The following RIMS2 variants were observed in gnomAD, a reference collection of about 807,000 sequenced individuals.
RIMS2 encodes regulating synaptic membrane exocytosis 2, also known as regulating synaptic membrane exocytosis protein 2.
In RIMS2, 59 loss-of-function variants were observed where a neutral mutation model predicts 174.4. The ratio of observed to expected loss-of-function variants is 0.34; its 90% CI spans 0.27 to 0.42. RIMS2 has a LOEUF of 0.42. RIMS2 is among the 10% of genes least tolerant of loss of function. The pLI, the probability that RIMS2 is intolerant of heterozygous loss-of-function variation, is 1.00. For missense variants in RIMS2, 1,620 were observed against 1,666.3 expected, an observed-to-expected ratio of 0.97 and a Z score of 0.48; for synonymous variants, 606 against 572.5, an observed-to-expected ratio of 1.06 and a Z score of -0.84.
intron 1 of RIMS2, among the ~76,000 whole-genome samples, chr8:103,559,887 C>G: frequency 6.6e-6 from 1 of 152,164 alleles, no homozygotes; most frequent in East Asian, 1.9e-4. Context: ...ATTCTGTAAG[C>G]TCCTATTCCC....
At chr8:103,922,202 G>C (rs1474038306) in intron 10 of RIMS2, among the ~76,000 whole-genome samples, 2 of 151,804 alleles carry the variant, frequency 1.3e-5, no homozygotes, top group Non-Finnish European at 2.9e-5. Flanking sequence ...AGGATATTTG[G>C]TGTCAGCTCA....
At chr8:103,846,643 C>T (rs955232521) in intron 3 of RIMS2, among the ~76,000 whole-genome samples, 1 of 152,112 alleles carries the variant, frequency 6.6e-6, no homozygotes, top group Non-Finnish European at 1.5e-5. Flanking sequence ...GGATAAGCCA[C>T]CAACAATGTG....
intron 3 of RIMS2, chr8:103,768,241 T>C: frequency 2.1e-6 from 1 of 477,832 alleles, no homozygotes; most frequent in Non-Finnish European, 3.8e-6. Flanking sequence ...AATAATGGGC[T>C]CTTTTTCGTG....
intron 17 of RIMS2, among the ~76,000 whole-genome samples, chr8:103,999,427 T>C (rs1487667462): frequency 6.6e-6 from 1 of 151,700 alleles, no homozygotes; most frequent in Non-Finnish European, 1.5e-5. Context: ...TTTTCACTCT[T>C]TTTTGTTATT....
At chr8:103,575,773 T>C (rs2093184318) in intron 1 of RIMS2, among the ~76,000 whole-genome samples, 1 of 151,528 alleles carries the variant, frequency 6.6e-6, no homozygotes, top group Non-Finnish European at 1.5e-5. Context: ...TTCCTGAGAC[T>C]ACAGAGAATT....
chr8:103,501,951 A>C (rs1563547924), intron 1 of RIMS2, among the ~76,000 whole-genome samples: 1 of 152,142 alleles, frequency 6.6e-6, no homozygotes, highest in East Asian at 1.9e-4. Flanking sequence ...CTCTGAGACT[A>C]CTTTTCTGGT....
At chr8:103,603,200 A>T (rs1488021053) in intron 1 of RIMS2, among the ~76,000 whole-genome samples, 1 of 134,226 alleles carries the variant, frequency 7.5e-6, no homozygotes. Flanking sequence ...TCCTGTGTCC[A>T]TGTGATCTCA....
At chr8:103,561,706 A>T (rs2091620803) in intron 1 of RIMS2, among the ~76,000 whole-genome samples, 1 of 152,170 alleles carries the variant, frequency 6.6e-6, no homozygotes, top group Admixed American at 6.5e-5. Flanking sequence ...GCCTACCTGA[A>T]TGGGTTACTC....
At chr8:103,588,707 T>A (rs1238043650) in intron 1 of RIMS2, among the ~76,000 whole-genome samples, 1 of 151,962 alleles carries the variant, frequency 6.6e-6, no homozygotes, top group South Asian at 2.1e-4. Flanking sequence ...GATATCCATA[T>A]GCAGAAGAAT....
intron 19 of RIMS2, among the ~76,000 whole-genome samples, chr8:104,134,049 T>G (rs10092959): frequency 2.0e-5 from 3 of 151,908 alleles, no homozygotes; most frequent in Admixed American, 6.6e-5. Context: ...ACAAATAATC[T>G]TTAATATATG....
chr8:104,169,330 AT>A (rs1286424929), intron 19 of RIMS2, among the ~76,000 whole-genome samples: 20 of 39,620 alleles, frequency 5.0e-4, no homozygotes, highest in African/African-American at 2.5e-3. Flanking sequence ...ATATATATAT[AT>A]ATATATATAA....
intron 16 of RIMS2, among the ~76,000 whole-genome samples, chr8:103,986,153 T>C (rs761584063): frequency 9.9e-5 from 15 of 152,200 alleles, no homozygotes; most frequent in Non-Finnish European, 1.9e-4. Flanking sequence ...GATTTAGCCA[T>C]GCTGCAATGT....
At chr8:103,586,052 T>C (rs988120480) in intron 1 of RIMS2, among the ~76,000 whole-genome samples, 2 of 152,018 alleles carry the variant, frequency 1.3e-5, no homozygotes, top group Non-Finnish European at 2.9e-5. Flanking sequence ...GATATAACAA[T>C]TGTAAATCTA....
chr8:103,893,878 T>TG (rs1354786177), intron 4 of RIMS2, among the ~76,000 whole-genome samples: 1 of 152,088 alleles, frequency 6.6e-6, no homozygotes, highest in African/African-American at 2.4e-5. Context: ...CACAGTGTTT[T>TG]GAGTAGCATG....
At chr8:103,580,445 ATG>A (rs35882328) in intron 1 of RIMS2, among the ~76,000 whole-genome samples, 55,071 of 149,554 alleles carry the variant, frequency 0.37, 10,632 homozygotes, top group East Asian at 0.77. Flanking sequence ...ATATGTGTGC[ATG>A]TGTGTGTGTG....
chr8:104,035,759 T>C (rs995748772), intron 19 of RIMS2, among the ~76,000 whole-genome samples: 5 of 152,132 alleles, frequency 3.3e-5, no homozygotes, highest in African/African-American at 1.2e-4. Context: ...GTTTAAGCCA[T>C]CCAGTCTGGA....
chr8:104,229,513 C>A (rs1257817313), intron 19 of RIMS2, among the ~76,000 whole-genome samples: 1 of 152,156 alleles, frequency 6.6e-6, no homozygotes. Context: ...AACCCATGAG[C>A]AGAAATCCCA....
chr8:103,860,922 G>C (rs1027042174), intron 3 of RIMS2, among the ~76,000 whole-genome samples: 3 of 151,880 alleles, frequency 2.0e-5, no homozygotes, highest in Non-Finnish European at 2.9e-5. Context: ...TTAAGCAATT[G>C]TCTGTACAAA....
At chr8:104,014,766 G>A (rs1437792835) in intron 19 of RIMS2, 151 bp downstream of exon 21, 1 of 417,970 alleles carries the variant, frequency 2.4e-6, no homozygotes, top group Non-Finnish European at 4.2e-6. Context: ...TAAATATTAT[G>A]TATTTTTGAA....
Sources: allele counts gnomAD v4.1 joint callset (sites outside exome capture counted in the v4.1 genomes callset), GRCh38; gene constraint gnomAD v4.1.1; transcripts MANE v1.5; gene names NCBI Gene and HGNC (gene_info 2026-07-23, HGNC 2026-07-21).